The following DNAJB14 variants were observed in gnomAD, a reference collection of about 807,000 sequenced individuals.
DNAJB14 encodes the protein dnaJ homolog subfamily B member 14.
DNAJB14 carries 22 observed loss-of-function variants against 48.4 expected under a neutral mutation model. That is an observed-to-expected ratio of 0.45 (90% CI 0.32 to 0.65). The LOEUF (loss-of-function observed/expected upper bound fraction) is 0.65. DNAJB14 is among the 30% of genes least tolerant of loss of function. DNAJB14 has a pLI of 0.03. For missense variants in DNAJB14, 319 were observed against 458.8 expected, an observed-to-expected ratio of 0.70 and a Z score of 2.78; for synonymous variants, 142 against 158.7, an observed-to-expected ratio of 0.89 and a Z score of 0.79.
At chr4:99,940,468 TG>T (rs1162025941) in intron 1 of DNAJB14, among the ~76,000 whole-genome samples, 1 of 152,106 alleles carries the variant, frequency 6.6e-6, no homozygotes, top group Non-Finnish European at 1.5e-5. Flanking sequence ...GACACACGCC[TG>T]TAGTCCTAGC....
intron 3 of DNAJB14, among the ~76,000 whole-genome samples, chr4:99,915,198 T>C (rs544753523): frequency 1.3e-5 from 2 of 152,318 alleles, no homozygotes; most frequent in African/African-American, 4.8e-5. Context: ...TGTATTTTCA[T>C]TTTTAGTTAG....
chr4:99,935,877 G>T (rs1171111985), intron 1 of DNAJB14, among the ~76,000 whole-genome samples: 1 of 152,088 alleles, frequency 6.6e-6, no homozygotes, highest in African/African-American at 2.4e-5. Flanking sequence ...AGACCAGCCT[G>T]GCCAACATGG....
chr4:99,940,801 T>C (rs1043347197), intron 1 of DNAJB14, among the ~76,000 whole-genome samples: 6 of 152,028 alleles, frequency 3.9e-5, no homozygotes, highest in Admixed American at 3.9e-4. Flanking sequence ...ATATTAGAGA[T>C]ATCACCTTAT....
chr4:99,941,129 G>A (rs1276070645), intron 1 of DNAJB14, among the ~76,000 whole-genome samples: 3 of 152,028 alleles, frequency 2.0e-5, no homozygotes, highest in Admixed American at 6.5e-5. Flanking sequence ...GCCCATAGAT[G>A]TCACAAATAT....
At position 99,915,052 on chromosome 4, in the gene DNAJB14, C is replaced by G. The variant is rs552712625; in HGVS notation, c.452-6156G>C. ...TTTTGCTTGCTTTGAGTTTATTTTG[C>G]TATTCTTTTTCTAGATTTGTAAGGT... On this transcript the variant is annotated intron_variant, in intron 3 of 7. Transcript: ENST00000442697. 2.0e-5 allele frequency among the ~76,000 whole-genome samples: 3 copies of G among 152,096 alleles called. No individual in the cohort carries two copies. The South Asian group carries it at 6.2e-4, about 32-fold the overall frequency.
chr4:99,940,050 T>C (rs1726833433), intron 1 of DNAJB14, among the ~76,000 whole-genome samples: 1 of 152,196 alleles, frequency 6.6e-6, no homozygotes, highest in South Asian at 2.1e-4. Flanking sequence ...TAATTTAGTA[T>C]ATTCCATATT....
chr4:99,916,444 C>T (rs1382117634), intron 3 of DNAJB14, among the ~76,000 whole-genome samples: 1 of 152,174 alleles, frequency 6.6e-6, no homozygotes, highest in Non-Finnish European at 1.5e-5. Flanking sequence ...CTAGTGAAAA[C>T]ATGCTTTTAA....
chr4:99,920,781 T>A (rs1726026462), intron 3 of DNAJB14, among the ~76,000 whole-genome samples: 1 of 152,180 alleles, frequency 6.6e-6, no homozygotes, highest in South Asian at 2.1e-4. Context: ...AAATGAAACA[T>A]CTCTTCATTT....
At chr4:99,939,314 A>G (rs932022630) in intron 1 of DNAJB14, among the ~76,000 whole-genome samples, 3 of 152,230 alleles carry the variant, frequency 2.0e-5, no homozygotes, top group Non-Finnish European at 4.4e-5. Flanking sequence ...GTGAGCCAGG[A>G]TTGTACCATT....
chr4:99,936,423 TGTA>T (rs1335149387), intron 1 of DNAJB14, among the ~76,000 whole-genome samples: 3 of 152,174 alleles, frequency 2.0e-5, no homozygotes, highest in Admixed American at 6.5e-5. Context: ...TATAAATATG[TGTA>T]GATCACAAAC....
chr4:99,908,970 C>T (rs1301543271), intron 3 of DNAJB14, 74 bp from the exon 4 acceptor site: 2 of 1,093,300 alleles, frequency 1.8e-6, no homozygotes, highest in Non-Finnish European at 2.5e-6. Flanking sequence ...TAAAAACTAA[C>T]ATCATGCTGA....
chr4:99,912,722 G>T (rs1447111534), intron 3 of DNAJB14, among the ~76,000 whole-genome samples: 2 of 152,208 alleles, frequency 1.3e-5, no homozygotes, highest in African/African-American at 4.8e-5. Flanking sequence ...CAGGTGATCT[G>T]CCCACCTCGG....
At position 99,898,027 on chromosome 4, in the gene DNAJB14, T is replaced by C. The variant is rs2110187799; in HGVS notation, c.*3001A>G. ...TAAGTAACATTAGCATGTCATGTGT[T>C]AAATAGCTTCATTTAAAAATGTTAC... On this transcript the variant is annotated 3_prime_UTR_variant, in exon 8 of 8. Transcript: ENST00000442697. 6.6e-6 allele frequency: 1 copy of C among 152,168 alleles called. No homozygotes were observed. Among genetic ancestry groups the C allele is most frequent in the Middle Eastern group, 3.4e-3 (1 of 294 alleles). 9.4% of individuals were successfully genotyped at this position (152,168 alleles called of 1,614,324 possible).
intron 3 of DNAJB14, among the ~76,000 whole-genome samples, chr4:99,922,029 GTACTTT>G (rs1726080819): frequency 6.6e-6 from 1 of 152,142 alleles, no homozygotes; most frequent in Admixed American, 6.5e-5. Flanking sequence ...AGCTTTTCCT[GTACTTT>G]CAACATGCCA....
chr4:99,906,513 G>A lies in DNAJB14; in HGVS notation c.732+4C>T, dbSNP rs376974327. 5.5e-5 allele frequency: 88 copies of A among 1,610,100 alleles called. No homozygotes were observed. The highest frequency in any genetic ancestry group is 1.7e-4 in the African/African-American group (13 of 74,730). On this transcript the variant is annotated splice_donor_region_variant and intron_variant, in intron 5 of 7. Coordinates refer to ENST00000442697, the MANE Select transcript of DNAJB14 (RefSeq NM_001031723.4). ...CATTTTGTGATTTCTAGTCATAAAC[G>A]TACATCTCCTCTTTCCTCTTCTCTT...
chr4:99,925,384 T>C (rs528357729), intron 2 of DNAJB14: 3 of 152,144 alleles, frequency 2.0e-5, no homozygotes, highest in Admixed American at 1.3e-4. Flanking sequence ...CTTTCTAAAA[T>C]ATGAAGAATT....
intron 2 of DNAJB14, chr4:99,927,216 G>A (rs1726289038): frequency 6.6e-6 from 1 of 152,120 alleles, no homozygotes; most frequent in Non-Finnish European, 1.5e-5. Flanking sequence ...ACTCTGCCTG[G>A]TCCAGACTTT....
At chr4:99,901,847 A>C (rs1460303603) in intron 7 of DNAJB14, among the ~76,000 whole-genome samples, 1 of 152,130 alleles carries the variant, frequency 6.6e-6, no homozygotes, top group Admixed American at 6.6e-5. Context: ...GGAGCACTTA[A>C]AGAAGATGTA....
In DNAJB14 at chr4:99,944,565, T is replaced by G. The variant is rs921518287; in HGVS notation, c.133+1874A>C. ...ATTCAGTTTTTTTACTGTAGCTTTT[T>G]TTTGGTCTTTTTTTTTTTGTTTTTT... On this transcript the variant is annotated intron_variant, in intron 1 of 7. Coordinates refer to ENST00000442697, the MANE Select transcript of DNAJB14 (RefSeq NM_001031723.4). Among the ~76,000 whole-genome samples the G allele has an allele frequency of 2.6e-5, 4 of 151,958 alleles. No individual in the cohort carries two copies. In the East Asian group the frequency reaches 7.7e-4, roughly 29 times the overall value.
Sources: allele counts gnomAD v4.1 joint callset (sites outside exome capture counted in the v4.1 genomes callset), GRCh38; gene constraint gnomAD v4.1.1; transcripts MANE v1.5; gene names NCBI Gene and HGNC (gene_info 2026-07-23, HGNC 2026-07-21).